The following ARHGAP8 variants were observed in gnomAD, a reference collection of about 807,000 sequenced individuals.
ARHGAP8 encodes rho GTPase-activating protein 8.
In ARHGAP8, 62 loss-of-function variants were observed where a neutral mutation model predicts 46.1. That is an observed-to-expected ratio of 1.34 (90% CI 1.10 to 1.66). The LOEUF is 1.66. ARHGAP8 is among the 40% of genes most tolerant of loss of function. The pLI, the probability that ARHGAP8 is intolerant of heterozygous loss-of-function variation, is 0.00. For missense variants in ARHGAP8, 923 were observed against 568.4 expected, an observed-to-expected ratio of 1.62 and a Z score of -6.34; for synonymous variants, 375 against 243.1, an observed-to-expected ratio of 1.54 and a Z score of -5.05.
Position 44,786,513 on chromosome 22 carries a change from C to A in ARHGAP8, c.-15C>A. 1 of 1,613,482 alleles carries A rather than the reference C, an allele frequency of 6.2e-7. No homozygotes were observed. The highest frequency in any genetic ancestry group is 8.5e-7 in the Non-Finnish European group (1 of 1,179,774). On this transcript the variant is annotated 5_prime_UTR_variant, in exon 2 of 12. Transcript: ENST00000356099. ...TGTGCTGGGTGCAGTGAGGAAGAGG[C>A]CCTCGGTGGTGCCCATGGCTGGCCA...
At chr22:44,818,842 G>A (rs1485275400) in intron 5 of ARHGAP8, among the ~76,000 whole-genome samples, 1 of 150,484 alleles carries the variant, frequency 6.6e-6, no homozygotes, top group Non-Finnish European at 1.5e-5. Flanking sequence ...GATTACAGGT[G>A]CGCACCACTG....
rs1289605882 is a variant in ARHGAP8, at chr22:44,848,962, A to G, written c.779A>G (p.Asp260Gly). 5.6e-6 allele frequency: 9 copies of G among 1,613,952 alleles called. No individual in the cohort carries two copies. Among genetic ancestry groups the G allele is most frequent in the Non-Finnish European group, 7.6e-6 (9 of 1,180,030 alleles). Residue 260 changes from aspartate (D) to glycine (G), a missense_variant, in exon 10 of 12, where the codon GAC becomes GGC. Asp to Gly is a moderately conservative substitution (Grantham distance 94, BLOSUM62 -1). Transcript: ENST00000356099. ...CCCGTGAACTTTGACGACTACGGGG[A>G]CATTCACATCCCTGCCGTGATCCTG... ...GKPVNFDDYG[D>G]IHIPAVILKT...
chr22:44,769,535 T>C (rs1925844867), intron 1 of ARHGAP8, among the ~76,000 whole-genome samples: 1 of 152,224 alleles, frequency 6.6e-6, no homozygotes, highest in Non-Finnish European at 1.5e-5. Context: ...AATCTAGAGA[T>C]TAATTTGAGA....
chr22:44,811,745 C>T (rs1326492077), intron 4 of ARHGAP8, among the ~76,000 whole-genome samples: 1 of 152,114 alleles, frequency 6.6e-6, no homozygotes, highest in Non-Finnish European at 1.5e-5. Flanking sequence ...CCTGTAATCC[C>T]AGCACTTTGG....
At position 44,842,894 on chromosome 22, in the gene ARHGAP8, C is replaced by T. The variant is rs1931745900; in HGVS notation, c.597-2375C>T. On this transcript the variant is annotated intron_variant, in intron 7 of 11. Transcript: ENST00000356099. ...AGGGAGACCCAGTCGAATACTTTGA[C>T]CCCAGGTGGGCCTGTGTTTGTCTTT... 3.3e-5 allele frequency among the ~76,000 whole-genome samples: 5 copies of T among 152,196 alleles called. No individual in the cohort carries two copies. In the South Asian group the frequency reaches 1.0e-3, roughly 31 times the overall value.
chr22:44,853,147 C>A (rs1031764724), intron 10 of ARHGAP8, among the ~76,000 whole-genome samples: 1 of 152,112 alleles, frequency 6.6e-6, no homozygotes. Flanking sequence ...TGAGAAGATT[C>A]CTAGATGTTG....
At chr22:44,842,216 G>A (rs558579790) in intron 7 of ARHGAP8, among the ~76,000 whole-genome samples, 1 of 152,294 alleles carries the variant, frequency 6.6e-6, no homozygotes, top group African/African-American at 2.4e-5. Flanking sequence ...AATTAGCTGG[G>A]CATGGTGGTG....
chr22:44,820,644 G>T (rs954920036), intron 5 of ARHGAP8, among the ~76,000 whole-genome samples: 9 of 152,164 alleles, frequency 5.9e-5, no homozygotes, highest in African/African-American at 2.2e-4. Flanking sequence ...TTGTGCTTGG[G>T]GTGAGGGGCA....
chr22:44,820,970 C>T (rs942027331), intron 5 of ARHGAP8, among the ~76,000 whole-genome samples: 8 of 152,200 alleles, frequency 5.3e-5, no homozygotes, highest in East Asian at 1.9e-4. Context: ...GTTTTTGCCA[C>T]GGTAACTTGA....
intron 4 of ARHGAP8, among the ~76,000 whole-genome samples, chr22:44,811,014 G>A (rs141129841): frequency 6.6e-6 from 1 of 152,298 alleles, no homozygotes; most frequent in African/African-American, 2.4e-5. Flanking sequence ...ACTTCCCCAC[G>A]TGAGAAACGA....
Position 44,787,074 on chromosome 22 carries a change from A to G in ARHGAP8, c.79+468A>G, listed in dbSNP as rs1380496328. The stretch of plus-strand genomic sequence containing the variant: ...AAAGAAAGAAGTAAAACTAATTGGA[A>G]AAGGAGGGCCTGCTAGTGTGTTTGG... On this transcript the variant is annotated intron_variant, in intron 2 of 11. Coordinates refer to ENST00000356099, the MANE Select transcript of ARHGAP8 (RefSeq NM_181335.3). 5.3e-5 allele frequency among the ~76,000 whole-genome samples: 8 copies of G among 152,140 alleles called. No homozygotes were observed. In the East Asian group the frequency reaches 1.5e-3, roughly 29 times the overall value.
chr22:44,851,500 C>CT (rs2070092898), intron 10 of ARHGAP8, among the ~76,000 whole-genome samples: 1 of 152,124 alleles, frequency 6.6e-6, no homozygotes. Context: ...CAACCTCCAC[C>CT]TGACATGGGA....
chr22:44,857,489 T>C (rs2070261536), intron 10 of ARHGAP8, among the ~76,000 whole-genome samples: 1 of 152,152 alleles, frequency 6.6e-6, no homozygotes, highest in African/African-American at 2.4e-5. Context: ...GCACATGACA[T>C]GGGTACCTTC....
At chr22:44,859,610 A>T in intron 10 of ARHGAP8, 121 bp from the exon 11 acceptor site, 2 of 1,088,142 alleles carry the variant, frequency 1.8e-6, no homozygotes, top group Non-Finnish European at 2.7e-6. Flanking sequence ...TCCCAAGCCC[A>T]AATGTGGGAT....
intron 4 of ARHGAP8, among the ~76,000 whole-genome samples, chr22:44,811,134 C>T (rs1048016166): frequency 3.9e-5 from 6 of 152,216 alleles, no homozygotes; most frequent in African/African-American, 1.2e-4. Flanking sequence ...TTCCCTTTCT[C>T]GAGGGGGCTG....
At chr22:44,794,039 C>T (rs889189435) in intron 2 of ARHGAP8, among the ~76,000 whole-genome samples, 1 of 152,202 alleles carries the variant, frequency 6.6e-6, no homozygotes, top group Non-Finnish European at 1.5e-5. Flanking sequence ...GAGGAAGGCG[C>T]GGAGGCTTGG....
chr22:44,786,561 C>T lies in ARHGAP8; in HGVS notation c.34C>T (p.His12Tyr). Residue 12 changes from histidine (H) to tyrosine (Y), a missense_variant, in exon 2 of 12, where the codon CAC (histidine) becomes TAC (tyrosine). Physicochemically the swap from His to Tyr is moderately conservative, Grantham distance 83. Coordinates refer to ENST00000356099, the MANE Select transcript of ARHGAP8 (RefSeq NM_181335.3). ...CCAGGATCCTGCGCTGAGCACGAGTCACCCGTTCTACGACGTGGCCAGACA... is the reference window on the plus strand; with the variant it reads ...CCAGGATCCTGCGCTGAGCACGAGTTACCCGTTCTACGACGTGGCCAGACA... ...AGQDPALSTSHPFYDVARHGI... is the reference protein window; with the variant it reads ...AGQDPALSTSYPFYDVARHGI... 2 of 1,613,524 alleles carry T rather than the reference C, an allele frequency of 1.2e-6. No individual in the cohort carries two copies. The highest frequency in any genetic ancestry group is 1.7e-6 in the Non-Finnish European group (2 of 1,179,774).
chr22:44,808,597 C>A, intron 4 of ARHGAP8, 159 bp downstream of exon 4: 3 of 1,337,560 alleles, frequency 2.2e-6, no homozygotes, highest in Non-Finnish European at 3.1e-6. Context: ...GTTCACCTCC[C>A]CTCTGGGCCA....
chr22:44,839,308 CT>C (rs1828775195), intron 7 of ARHGAP8, among the ~76,000 whole-genome samples: 1 of 152,198 alleles, frequency 6.6e-6, no homozygotes, highest in Non-Finnish European at 1.5e-5. Context: ...CTGTGGATTG[CT>C]GCTCAGTGTC....
Sources: allele counts gnomAD v4.1 joint callset (sites outside exome capture counted in the v4.1 genomes callset), GRCh38; gene constraint gnomAD v4.1.1; transcripts MANE v1.5; gene names NCBI Gene and HGNC (gene_info 2026-07-23, HGNC 2026-07-21).